The following ABTB2 variants were observed in gnomAD, a reference collection of about 807,000 sequenced individuals.
The protein encoded by ABTB2 is ankyrin repeat and BTB/POZ domain-containing protein 2.
ABTB2 carries 56 observed loss-of-function variants against 104.1 expected under a neutral mutation model. The observed-to-expected ratio is 0.54, with a 90% CI of 0.43 to 0.67. ABTB2 has a LOEUF of 0.67. Among genes scored for constraint, ABTB2 ranks in the 30% least tolerant of loss-of-function variants. The probability of loss-of-function intolerance (pLI) is 0.00; values close to 1 mark genes in which losing one functional copy is unlikely to be tolerated. For synonymous variants in ABTB2, 606 were observed against 608.2 expected, an observed-to-expected ratio of 1.00 and a Z score of 0.05; for missense variants, 1,279 against 1,407.7, an observed-to-expected ratio of 0.91 and a Z score of 1.46.
chr11:34,157,137 A>G (rs531130960), intron 14 of ABTB2, among the ~76,000 whole-genome samples: 20 of 152,294 alleles, frequency 1.3e-4, no homozygotes, highest in African/African-American at 4.6e-4. Flanking sequence ...CCCCAGACTG[A>G]TGGCTTCAGG....
chr11:34,159,748 C>T (rs1038834863), intron 13 of ABTB2, among the ~76,000 whole-genome samples, 158 bp downstream of exon 13: 3 of 152,232 alleles, frequency 2.0e-5, no homozygotes, highest in East Asian at 1.9e-4. Flanking sequence ...CGTCTCATCC[C>T]GCTGTGGGGC....
At chr11:34,309,282 T>C (rs1276212285) in intron 1 of ABTB2, among the ~76,000 whole-genome samples, 1 of 152,186 alleles carries the variant, frequency 6.6e-6, no homozygotes, top group Non-Finnish European at 1.5e-5. Flanking sequence ...TTGGGGACCT[T>C]GTTGAAGGAA....
At chr11:34,203,937 T>C (rs1311886306) in intron 2 of ABTB2, among the ~76,000 whole-genome samples, 1 of 151,962 alleles carries the variant, frequency 6.6e-6, no homozygotes, top group African/African-American at 2.4e-5. Context: ...AAATGGGTAA[T>C]GAGAGGGGGA....
intron 3 of ABTB2, among the ~76,000 whole-genome samples, chr11:34,196,555 A>G (rs1377710256): frequency 6.6e-6 from 1 of 152,190 alleles, no homozygotes; most frequent in African/African-American, 2.4e-5. Flanking sequence ...CTCCGTCTAA[A>G]AAAAAAAGAA....
At chr11:34,296,263 A>AAGGGTGAAAG (rs1314530295) in intron 1 of ABTB2, among the ~76,000 whole-genome samples, 1 of 152,114 alleles carries the variant, frequency 6.6e-6, no homozygotes, top group African/African-American at 2.4e-5. Context: ...ATTTTCCAGA[A>AAGGGTGAAAG]AGGGTGAAAG....
At chr11:34,329,751 G>A (rs760778121) in intron 1 of ABTB2, among the ~76,000 whole-genome samples, 1 of 152,158 alleles carries the variant, frequency 6.6e-6, no homozygotes, top group Non-Finnish European at 1.5e-5. Flanking sequence ...AAGAAACAGG[G>A]TCCCAAAGGT....
At chr11:34,211,477 G>A (rs1389737662) in intron 1 of ABTB2, among the ~76,000 whole-genome samples, 2 of 152,070 alleles carry the variant, frequency 1.3e-5, no homozygotes, top group African/African-American at 2.4e-5. Flanking sequence ...GACATTCTAA[G>A]TTCAGAGAGG....
chr11:34,307,490 C>A (rs1174062991), intron 1 of ABTB2, among the ~76,000 whole-genome samples: 2 of 152,214 alleles, frequency 1.3e-5, no homozygotes, highest in Non-Finnish European at 2.9e-5. Context: ...ATCCAGAATG[C>A]AGCCAATGAG....
At chr11:34,206,028 C>T (rs1242781724) in intron 1 of ABTB2, among the ~76,000 whole-genome samples, 1 of 152,132 alleles carries the variant, frequency 6.6e-6, no homozygotes, top group East Asian at 1.9e-4. Context: ...GTGCTGGGAA[C>T]ATAGGCTTCA....
chr11:34,293,142 T>C (rs555916031), intron 1 of ABTB2, among the ~76,000 whole-genome samples: 33 of 152,018 alleles, frequency 2.2e-4, no homozygotes, highest in Non-Finnish European at 4.3e-4. Context: ...AGACTGGGTA[T>C]GGTGTGTGAG....
intron 1 of ABTB2, among the ~76,000 whole-genome samples, chr11:34,343,646 G>T: frequency 6.6e-6 from 1 of 151,434 alleles, no homozygotes. Flanking sequence ...CCTCATTTCT[G>T]TATTTTTAGT....
intron 1 of ABTB2, among the ~76,000 whole-genome samples, chr11:34,322,110 G>C (rs1855012210): frequency 6.6e-6 from 1 of 152,192 alleles, no homozygotes. Flanking sequence ...AACGATCTAA[G>C]CTACATATCT....
chr11:34,214,532 C>CTT (rs5790978), intron 1 of ABTB2, among the ~76,000 whole-genome samples: 114 of 123,182 alleles, frequency 9.3e-4, no homozygotes, highest in Middle Eastern at 5.0e-3. Context: ...AAAAATACCA[C>CTT]TTTTTTTTTT....
chr11:34,157,843 A>T (rs1306760763), intron 14 of ABTB2, among the ~76,000 whole-genome samples: 1 of 152,206 alleles, frequency 6.6e-6, no homozygotes, highest in African/African-American at 2.4e-5. Context: ...GGTCCCCTGG[A>T]GGTGGCCATG....
intron 3 of ABTB2, among the ~76,000 whole-genome samples, chr11:34,174,287 T>A (rs1852930554): frequency 1.5e-5 from 2 of 137,204 alleles, no homozygotes. Context: ...ATCGCGCCAC[T>A]GCCCTCCAGC....
chr11:34,289,798 A>T (rs924365291), intron 1 of ABTB2, among the ~76,000 whole-genome samples: 1 of 152,204 alleles, frequency 6.6e-6, no homozygotes, highest in Admixed American at 6.5e-5. Flanking sequence ...AGGCCTGGGG[A>T]CAGGTAACCA....
chr11:34,218,332 T>C (rs1400267075), intron 1 of ABTB2, among the ~76,000 whole-genome samples: 3 of 152,176 alleles, frequency 2.0e-5, no homozygotes. Flanking sequence ...TCCTGGATCA[T>C]GCTTTTGGTG....
At chr11:34,188,888 A>C (rs1393081687) in intron 3 of ABTB2, among the ~76,000 whole-genome samples, 1 of 152,224 alleles carries the variant, frequency 6.6e-6, no homozygotes, top group East Asian at 1.9e-4. Flanking sequence ...GAATGGAACA[A>C]AGAGGTGCCT....
At chr11:34,336,582 G>C (rs1262430550) in intron 1 of ABTB2, among the ~76,000 whole-genome samples, 1 of 151,986 alleles carries the variant, frequency 6.6e-6, no homozygotes, top group East Asian at 1.9e-4. Context: ...GTTTGAGGTT[G>C]TCATGAGCCA....
Sources: gnomAD v4.1 joint callset for allele counts (sites outside exome capture counted in the v4.1 genomes callset) on GRCh38, gnomAD v4.1.1 for gene constraint, MANE v1.5 for transcripts, NCBI Gene and HGNC (gene_info 2026-07-23, HGNC 2026-07-21) for gene names.